Variants in CLEC19A observed in about 807,000 individuals in gnomAD.
CLEC19A encodes C-type lectin domain containing 19A.
A neutral mutation model predicts 26.1 loss-of-function variants in CLEC19A; 21 were observed. That is an observed-to-expected ratio of 0.80 (90% CI 0.57 to 1.16). The LOEUF is 1.16. CLEC19A is among the 50% of genes most tolerant of loss of function. The pLI, the probability that CLEC19A is intolerant of heterozygous loss-of-function variation, is 0.00. For missense variants in CLEC19A, 224 were observed against 227.6 expected (o/e 0.98, Z 0.10); for synonymous variants, 89 against 88.6 (o/e 1.00, Z -0.03).
chr16:19,293,437 TC>T (rs1388304602), intron 1 of CLEC19A, among the ~76,000 whole-genome samples: 6 of 150,802 alleles, frequency 4.0e-5, no homozygotes, highest in African/African-American at 1.5e-4. Flanking sequence ...CCACACACTA[TC>T]TTTGGTACTT....
At chr16:19,308,278 T>C (rs1303035438) in intron 4 of CLEC19A, among the ~76,000 whole-genome samples, 3 of 152,236 alleles carry the variant, frequency 2.0e-5, no homozygotes, top group Admixed American at 1.3e-4. Context: ...GGCAAGAGCA[T>C]GGACTCGGGA....
chr16:19,295,285 T>C (rs894511886), intron 1 of CLEC19A, among the ~76,000 whole-genome samples: 3 of 152,024 alleles, frequency 2.0e-5, no homozygotes, highest in African/African-American at 7.2e-5. Context: ...TCATGGCTCA[T>C]TGCAATTTCG....
At chr16:19,301,233 C>G (rs1446855450) in intron 2 of CLEC19A, among the ~76,000 whole-genome samples, 1 of 152,210 alleles carries the variant, frequency 6.6e-6, no homozygotes, top group Non-Finnish European at 1.5e-5. Flanking sequence ...ACATGGAGAA[C>G]CAAACTAACC....
Position 19,285,750 on chromosome 16 carries a change from C to A in CLEC19A, c.-102C>A. The A allele has an allele frequency of 1.0e-6, 1 of 958,398 alleles. No homozygotes were observed. The highest frequency in any genetic ancestry group is 1.6e-6 in the Non-Finnish European group (1 of 617,510). 59.4% of individuals were successfully genotyped at this position (958,398 alleles called of 1,614,324 possible). A position where few individuals can be genotyped will look rare whatever the true frequency, so the allele number is the denominator to read the frequency against. On this transcript the variant is annotated 5_prime_UTR_variant, in exon 1 of 5. Coordinates refer to ENST00000636231, the MANE Select transcript of CLEC19A (RefSeq NM_001256720.2). ...CCATCCAGTCTGTCCCAGCTCCTGC[C>A]AGGCTCCATCTGACCCTAGGAGAGC...
intron 1 of CLEC19A, among the ~76,000 whole-genome samples, chr16:19,292,318 C>G (rs926858729): frequency 2.6e-5 from 4 of 152,014 alleles, no homozygotes; most frequent in Non-Finnish European, 5.9e-5. Context: ...TCTGAAGGTC[C>G]CAGGGGATGC....
At chr16:19,289,110 A>ATC (rs1897529329) in intron 1 of CLEC19A, among the ~76,000 whole-genome samples, 1 of 152,196 alleles carries the variant, frequency 6.6e-6, no homozygotes, top group South Asian at 2.1e-4. Flanking sequence ...CACTAGGACC[A>ATC]TCTGACTCCA....
At chr16:19,293,370 G>C (rs1897631210) in intron 1 of CLEC19A, among the ~76,000 whole-genome samples, 2 of 152,170 alleles carry the variant, frequency 1.3e-5, no homozygotes, top group Non-Finnish European at 2.9e-5. Flanking sequence ...TCATTTCTTA[G>C]CTTTTTAATA....
rs1898034674 is a variant in CLEC19A, at chr16:19,309,845, T to C, written c.*762T>C. 6.6e-6 allele frequency: 1 copy of C among 151,940 alleles called. No individual in the cohort carries two copies. The highest frequency in any genetic ancestry group is 1.5e-5 in the Non-Finnish European group (1 of 68,038). 9.4% of individuals were successfully genotyped at this position (151,940 alleles called of 1,614,324 possible). On this transcript the variant is annotated 3_prime_UTR_variant, in exon 5 of 5. Transcript: ENST00000636231. ...TTTAAATAGAGACGAGGTTTCATCA[T>C]GTCATCCAAGCTGGTTTCGAACTCC...
intron 3 of CLEC19A, among the ~76,000 whole-genome samples, chr16:19,306,286 T>C (rs1168011331): frequency 2.0e-5 from 3 of 151,916 alleles, no homozygotes; most frequent in Admixed American, 6.6e-5. Context: ...GCTAGTACTA[T>C]AGGCAGGCAC....
intron 1 of CLEC19A, among the ~76,000 whole-genome samples, chr16:19,286,758 G>T (rs1369780214): frequency 6.6e-6 from 1 of 152,120 alleles, no homozygotes; most frequent in Non-Finnish European, 1.5e-5. Context: ...CAGTGGCAGA[G>T]ATATCATTTT....
chr16:19,296,153 A>C (rs1897701039), intron 1 of CLEC19A, among the ~76,000 whole-genome samples: 1 of 152,216 alleles, frequency 6.6e-6, no homozygotes. Flanking sequence ...AGGATTGATC[A>C]GGAGGGATGG....
At position 19,285,911 on chromosome 16, in the gene CLEC19A, T is replaced by C. The variant is rs986556721; in HGVS notation, c.60T>C (p.Phe20=). ...TGACCCTCCACTCTGCACAGGCCTTTCCACAAACAGACATCAGTATCAGTC... is the reference window on the plus strand; with the variant it reads ...TGACCCTCCACTCTGCACAGGCCTTCCCACAAACAGACATCAGTATCAGTC... ...AFLTLHSAQA[F]PQTDISISPA... Residue 20 remains phenylalanine (F), a synonymous_variant, in exon 1 of 5, where the codon TTT becomes TTC. Coordinates refer to ENST00000636231, the MANE Select transcript of CLEC19A (RefSeq NM_001256720.2). The C allele has an allele frequency of 6.4e-7, 1 of 1,550,538 alleles. No individual in the cohort carries two copies. The highest frequency in any genetic ancestry group is 8.7e-7 in the Non-Finnish European group (1 of 1,146,988).
chr16:19,301,421 G>C (rs1313041595), intron 2 of CLEC19A, among the ~76,000 whole-genome samples: 1 of 152,168 alleles, frequency 6.6e-6, no homozygotes, highest in Non-Finnish European at 1.5e-5. Flanking sequence ...GGGACAGTAT[G>C]AGCATTGATT....
At chr16:19,301,746 T>TG (rs1897833435) in intron 2 of CLEC19A, among the ~76,000 whole-genome samples, 1 of 121,932 alleles carries the variant, frequency 8.2e-6, no homozygotes, top group African/African-American at 3.4e-5. Flanking sequence ...GTTTTTTTTT[T>TG]TTTTTTTTTT....
At chr16:19,303,005 C>T (rs1897867844) in intron 2 of CLEC19A, among the ~76,000 whole-genome samples, 1 of 152,072 alleles carries the variant, frequency 6.6e-6, no homozygotes, top group African/African-American at 2.4e-5. Context: ...ATGTTAGCTG[C>T]AAAGGGAGCT....
chr16:19,286,309 G>C (rs181585958), intron 1 of CLEC19A, among the ~76,000 whole-genome samples: 137 of 152,380 alleles, frequency 9.0e-4, no homozygotes, highest in Non-Finnish European at 1.7e-3. Context: ...AGGAAGATCT[G>C]AACATGGTAG....
chr16:19,307,754 T>G, intron 4 of CLEC19A, 77 bp downstream of exon 4: 2 of 1,523,154 alleles, frequency 1.3e-6, no homozygotes, highest in Non-Finnish European at 1.8e-6. Flanking sequence ...AGAAGGGCCT[T>G]GGGGGAAGAG....
chr16:19,288,841 A>C (rs975971955), intron 1 of CLEC19A, among the ~76,000 whole-genome samples: 1 of 152,156 alleles, frequency 6.6e-6, no homozygotes, highest in African/African-American at 2.4e-5. Context: ...GAAGCTCAGG[A>C]TCTGCTTCTG....
Position 19,285,955 on chromosome 16 carries a change from A to G in CLEC19A, c.88+16A>G, listed in dbSNP as rs1897456081. 5 of 1,549,002 alleles carry G rather than the reference A, an allele frequency of 3.2e-6. No individual in the cohort carries two copies. Among genetic ancestry groups the G allele is most frequent in the Non-Finnish European group, 4.4e-6 (5 of 1,145,728 alleles). On this transcript the variant is annotated intron_variant, in intron 1 of 4. Coordinates refer to ENST00000636231, the MANE Select transcript of CLEC19A (RefSeq NM_001256720.2). ...ATCAGTCCAGGTAAGTGCAGGGACC[A>G]GGGCTGGGAGCAGGTGGAGAGGAGT...
Sources: allele counts gnomAD v4.1 joint callset (sites outside exome capture counted in the v4.1 genomes callset), GRCh38; gene constraint gnomAD v4.1.1; transcripts MANE v1.5; gene names NCBI Gene and HGNC (gene_info 2026-07-23, HGNC 2026-07-21).